SYN3: variants seen among roughly 807,000 people sequenced by gnomAD.
The protein encoded by SYN3 is synapsin-3.
A neutral mutation model predicts 65.8 loss-of-function variants in SYN3; 35 were observed. The ratio of observed to expected loss-of-function variants is 0.53; its 90% CI spans 0.41 to 0.70. The LOEUF (loss-of-function observed/expected upper bound fraction) is 0.70, where lower values mean the gene tolerates loss of function less well. Among genes scored for constraint, SYN3 ranks in the 30% least tolerant of loss-of-function variants. The pLI, the probability that SYN3 is intolerant of heterozygous loss-of-function variation, is 0.00. For synonymous variants in SYN3, 270 were observed against 292.9 expected, an observed-to-expected ratio of 0.92 and a Z score of 0.80; for missense variants, 680 against 749.0, an observed-to-expected ratio of 0.91 and a Z score of 1.08.
intron 12 of SYN3, among the ~76,000 whole-genome samples, chr22:32,525,586 T>C (rs972539522): frequency 2.6e-5 from 4 of 151,836 alleles, no homozygotes; most frequent in Non-Finnish European, 5.9e-5. Context: ...GGTGGGCACC[T>C]GTAGTCCCAG....
rs553356002 is a variant in SYN3 at position 32,918,111 on chromosome 22, G to A, written c.461+13279C>T. Among the ~76,000 whole-genome samples, 19 of 152,354 alleles carry A rather than the reference G, an allele frequency of 1.2e-4. No homozygotes were observed. The South Asian group carries it at 2.5e-3, about 20-fold the overall frequency. On this transcript the variant is annotated intron_variant, in intron 4 of 13. Transcript: ENST00000358763. Reference sequence around the variant, plus strand: ...AGCCAAGGCCTGACTCCCCTCAGCCGTGAGCTTTTCACTTTGCAGAGTTGT... The same window carrying A: ...AGCCAAGGCCTGACTCCCCTCAGCCATGAGCTTTTCACTTTGCAGAGTTGT...
At position 32,741,338 on chromosome 22, in the gene SYN3, T is replaced by C. The variant is rs571476660; in HGVS notation, c.711+123577A>G. 3.8e-3 allele frequency among the ~76,000 whole-genome samples: 566 copies of C among 149,560 alleles called. 8 individuals are homozygous for C. Among genetic ancestry groups the C allele is most frequent in the African/African-American group, 0.013 (538 of 40,832 alleles). ...GATTCAGACCCAAGCATTCTGGCTCTAGAGCCCAATTTTTTTTTTTTTTTT... is the reference window on the plus strand; with the variant it reads ...GATTCAGACCCAAGCATTCTGGCTCCAGAGCCCAATTTTTTTTTTTTTTTT... On this transcript the variant is annotated intron_variant, in intron 6 of 13. Transcript: ENST00000358763.
intron 6 of SYN3, among the ~76,000 whole-genome samples, chr22:32,847,506 C>G (rs2048101690): frequency 6.6e-6 from 1 of 152,186 alleles, no homozygotes; most frequent in Non-Finnish European, 1.5e-5. Flanking sequence ...CATCTGAACC[C>G]TGACTTCATG....
At chr22:32,524,358 T>G (rs773903107) in intron 12 of SYN3, among the ~76,000 whole-genome samples, 2 of 152,208 alleles carry the variant, frequency 1.3e-5, no homozygotes, top group African/African-American at 4.8e-5. Context: ...TTGGGGCTAG[T>G]GCAGCCGGTG....
At chr22:32,665,978 A>G (rs1360344784) in intron 6 of SYN3, among the ~76,000 whole-genome samples, 1 of 152,016 alleles carries the variant, frequency 6.6e-6, no homozygotes, top group East Asian at 1.9e-4. Context: ...GAGCCCTTGA[A>G]TCTCTCCCCC....
chr22:32,740,512 C>A (rs2061390798), intron 6 of SYN3, among the ~76,000 whole-genome samples: 1 of 152,054 alleles, frequency 6.6e-6, no homozygotes. Flanking sequence ...ACAGCATATG[C>A]AAAATAGCAG....
chr22:32,870,403 A>AT (rs557104039), intron 4 of SYN3, among the ~76,000 whole-genome samples: 1 of 152,174 alleles, frequency 6.6e-6, no homozygotes, highest in Non-Finnish European at 1.5e-5. Flanking sequence ...CTAAAATATA[A>AT]TTTTTAATTT....
chr22:33,049,011 C>T (rs1274658488), intron 1 of SYN3, among the ~76,000 whole-genome samples: 2 of 152,152 alleles, frequency 1.3e-5, no homozygotes, highest in African/African-American at 4.8e-5. Flanking sequence ...GAGTTTTGCA[C>T]ACTGGATAGC....
intron 1 of SYN3, among the ~76,000 whole-genome samples, chr22:33,011,878 T>C (rs1330415207): frequency 1.3e-5 from 2 of 152,214 alleles, no homozygotes; most frequent in African/African-American, 4.8e-5. Flanking sequence ...ATCCTTTCTG[T>C]AGGATCTTAT....
At chr22:32,579,967 G>T (rs961416239) in intron 7 of SYN3, among the ~76,000 whole-genome samples, 3 of 152,252 alleles carry the variant, frequency 2.0e-5, no homozygotes, top group African/African-American at 7.2e-5. Flanking sequence ...GGGGAAGGGA[G>T]GCACCAGAGA....
intron 6 of SYN3, among the ~76,000 whole-genome samples, chr22:32,627,552 GAGAC>G (rs2059685556): frequency 6.6e-6 from 1 of 152,086 alleles, no homozygotes; most frequent in South Asian, 2.1e-4. Flanking sequence ...TTGATACACA[GAGAC>G]ACCTCCCAAA....
rs2048616562 is a variant in SYN3 at position 32,863,921 on chromosome 22, G to T, written c.711+994C>A. Among the ~76,000 whole-genome samples the T allele has an allele frequency of 2.0e-5, 3 of 152,174 alleles. No individual in the cohort carries two copies. In the South Asian group the frequency reaches 6.2e-4, roughly 32 times the overall value. On this transcript the variant is annotated intron_variant, in intron 6 of 13. Coordinates refer to ENST00000358763, the MANE Select transcript of SYN3 (RefSeq NM_003490.4). ...AAAATCCAGGGTTTGGGGATATGCT[G>T]GGTTTCACATGTGCCCTTCTTATCT...
chr22:32,748,100 C>T (rs5754245), intron 6 of SYN3, among the ~76,000 whole-genome samples: 74,865 of 151,958 alleles, frequency 0.49, 18,468 homozygotes, highest in African/African-American at 0.52. Context: ...GAACCTTAGA[C>T]GCTGGATGAC....
chr22:32,846,205 T>C (rs543034881), intron 6 of SYN3, among the ~76,000 whole-genome samples: 1 of 152,348 alleles, frequency 6.6e-6, no homozygotes, highest in African/African-American at 2.4e-5. Context: ...GGGTTACACA[T>C]GGGTGATAAG....
intron 6 of SYN3, among the ~76,000 whole-genome samples, chr22:32,763,305 C>A (rs2045537040): frequency 6.6e-6 from 1 of 152,212 alleles, no homozygotes; most frequent in Non-Finnish European, 1.5e-5. Flanking sequence ...TGCCACCACG[C>A]CTGGCTAATT....
At chr22:32,635,213 A>G (rs1055876187) in intron 6 of SYN3, 2 of 152,134 alleles carry the variant, frequency 1.3e-5, no homozygotes, top group African/African-American at 2.4e-5. Flanking sequence ...CTTTCTATCT[A>G]TCTGTCTGTC....
chr22:32,816,169 G>A (rs2047083662), intron 6 of SYN3, among the ~76,000 whole-genome samples: 4 of 152,134 alleles, frequency 2.6e-5, no homozygotes, highest in Admixed American at 2.0e-4. Context: ...GGCGAGGTCA[G>A]TGTACCAGGT....
At chr22:32,584,239 T>C (rs1405731151) in intron 7 of SYN3, 2 of 152,230 alleles carry the variant, frequency 1.3e-5, no homozygotes, top group Non-Finnish European at 2.9e-5. Flanking sequence ...TTACTGTGCA[T>C]CGGGCAAACA....
intron 6 of SYN3, among the ~76,000 whole-genome samples, chr22:32,677,832 A>AAG: frequency 6.6e-6 from 1 of 151,986 alleles, no homozygotes; most frequent in Non-Finnish European, 1.5e-5. Context: ...TAAAATAAAA[A>AAG]AAGACACAAG....
Sources: gnomAD v4.1 joint callset for allele counts (sites outside exome capture counted in the v4.1 genomes callset) on GRCh38, gnomAD v4.1.1 for gene constraint, MANE v1.5 for transcripts, NCBI Gene and HGNC (gene_info 2026-07-23, HGNC 2026-07-21) for gene names.